TTC7B: variants seen among roughly 807,000 people sequenced by gnomAD.
TTC7B encodes tetratricopeptide repeat protein 7B.
Under a neutral mutation model 106.8 loss-of-function variants are expected in TTC7B, and 28 were observed. The ratio of observed to expected loss-of-function variants is 0.26; its 90% CI spans 0.19 to 0.36. The LOEUF is 0.36. Ranked by LOEUF, TTC7B falls within the 10% of genes least tolerant of loss-of-function variation. The pLI, the probability that TTC7B is intolerant of heterozygous loss-of-function variation, is 1.00. For synonymous variants in TTC7B, 405 were observed against 430.6 expected, an observed-to-expected ratio of 0.94 and a Z score of 0.74; for missense variants, 862 against 1,076.4, an observed-to-expected ratio of 0.80 and a Z score of 2.79.
chr14:90,659,624 C>T (rs892111252), intron 9 of TTC7B, among the ~76,000 whole-genome samples: 2 of 151,918 alleles, frequency 1.3e-5, no homozygotes, highest in African/African-American at 2.4e-5. Flanking sequence ...CGAGAAGGGG[C>T]CAATGGGGCC....
At position 90,695,403 on chromosome 14, in the gene TTC7B, C is replaced by T. The variant is rs1595291308; in HGVS notation, c.777+97G>A. ...ATATATTTATAACACATATATGTCA[C>T]ATATATTTATAATACATAAATGTAA... On this transcript the variant is annotated intron_variant, in intron 6 of 19. Coordinates refer to ENST00000328459, the MANE Select transcript of TTC7B (RefSeq NM_001010854.2). The T allele has an allele frequency of 2.2e-5, 11 of 505,666 alleles. No homozygotes were observed. In the East Asian group the frequency reaches 4.1e-4, roughly 19 times the overall value. The allele number at this position is 505,666 out of a possible 1,614,324, so 31.3% of individuals were successfully genotyped here.
intron 13 of TTC7B, 68 bp downstream of exon 13, chr14:90,652,771 CTT>C (rs1197660649): frequency 5.8e-6 from 9 of 1,540,936 alleles, no homozygotes; most frequent in East Asian, 2.2e-5. Context: ...ATAAATATCT[CTT>C]CTTTTTATAC....
chr14:90,803,739 G>T (rs2030418269), intron 1 of TTC7B, among the ~76,000 whole-genome samples: 1 of 152,096 alleles, frequency 6.6e-6, no homozygotes, highest in African/African-American at 2.4e-5. Context: ...AGAAGAACAG[G>T]ATGGGAGAGT....
intron 2 of TTC7B, among the ~76,000 whole-genome samples, chr14:90,783,161 C>T (rs1891275622): frequency 6.6e-6 from 1 of 152,226 alleles, no homozygotes; most frequent in Non-Finnish European, 1.5e-5. Context: ...GGCCACCTTG[C>T]TCACAATAAG....
rs1491399871 is a variant in TTC7B, at chr14:90,766,136, T to TTG, written c.445+14601_445+14602insCA. Among the ~76,000 whole-genome samples, 298 of 41,086 alleles carry TTG rather than the reference T, an allele frequency of 7.3e-3. 1 individual carries two copies. The highest frequency in any genetic ancestry group is 0.027 in the Middle Eastern group (2 of 74). The allele number at this position is 41,086 out of a possible 152,430, so 27.0% of individuals were successfully genotyped here. A position where few individuals can be genotyped will look rare whatever the true frequency, so the allele number is the denominator to read the frequency against. Reference sequence around the variant, plus strand: ...CTTGGCACAAAGACAGCCTACAACGTTTTTTTTTTTTTTTAATAAACAAAA... The same window carrying TTG: ...CTTGGCACAAAGACAGCCTACAACGTTGTTTTTTTTTTTTTTAATAAACAAAA... On this transcript the variant is annotated intron_variant, in intron 3 of 19. Coordinates refer to ENST00000328459, the MANE Select transcript of TTC7B (RefSeq NM_001010854.2).
intron 3 of TTC7B, among the ~76,000 whole-genome samples, chr14:90,762,951 T>C (rs949057165): frequency 6.6e-6 from 1 of 152,234 alleles, no homozygotes; most frequent in Non-Finnish European, 1.5e-5. Context: ...GATGGCTTCC[T>C]TGGTGAACTG....
At chr14:90,612,605 A>G (rs1656914621) in intron 16 of TTC7B, among the ~76,000 whole-genome samples, 1 of 152,086 alleles carries the variant, frequency 6.6e-6, no homozygotes, top group African/African-American at 2.4e-5. Context: ...TGCTGTCACT[A>G]ATGAGGAGGT....
At position 90,676,485 on chromosome 14, in the gene TTC7B, C is replaced by T. The variant is rs757622647; in HGVS notation, c.1152+38G>A. On this transcript the variant is annotated intron_variant, in intron 9 of 19. Coordinates refer to ENST00000328459, the MANE Select transcript of TTC7B (RefSeq NM_001010854.2). ...CCCTGGGGTCACCGTGCAACTGCCA[C>T]CCACCACCTGGATGTCAACCAGACT... 3 of 1,606,104 alleles carry T rather than the reference C, an allele frequency of 1.9e-6. No individual in the cohort carries two copies. The South Asian group carries it at 3.3e-5, about 18-fold the overall frequency.
rs8018412 is a variant in TTC7B, at chr14:90,544,357, G to C, written c.2311-2768C>G. 3.7e-3 allele frequency among the ~76,000 whole-genome samples: 564 copies of C among 152,338 alleles called. 3 individuals carry two copies. The highest frequency in any genetic ancestry group is 0.013 in the African/African-American group (539 of 41,578). ...TCCTTGGTGGCATCTGCCAGAGAAG[G>C]TTCCGGGGTGGCCAAACAGCCGAGG... On this transcript the variant is annotated intron_variant, in intron 19 of 19. Coordinates refer to ENST00000328459, the MANE Select transcript of TTC7B (RefSeq NM_001010854.2).
At chr14:90,699,339 G>A (rs1247206140) in intron 5 of TTC7B, 7 of 399,754 alleles carry the variant, frequency 1.8e-5, no homozygotes, top group South Asian at 3.7e-5. Context: ...AGCTTGTAAT[G>A]AGTGGCTACT....
In TTC7B at chr14:90,526,052, AAG is replaced by A. The variant is rs536279649; in HGVS notation, c.*15314_*15315del. On this transcript the variant is annotated 3_prime_UTR_variant, in exon 20 of 20. Transcript: ENST00000328459. The stretch of plus-strand genomic sequence containing the variant: ...TTTCCTTTTCTCTGGGGTACATACT[AAG>A]AGAGGAATTCCTGGATAATTCTATG... 1.6e-4 allele frequency: 25 copies of A among 152,286 alleles called. No individual in the cohort carries two copies. Among genetic ancestry groups the A allele is most frequent in the Non-Finnish European group, 3.4e-4 (23 of 68,018 alleles). The allele number at this position is 152,286 out of a possible 1,614,324, so 9.4% of individuals were successfully genotyped here. A position where few individuals can be genotyped will look rare whatever the true frequency, so the allele number is the denominator to read the frequency against.
At chr14:90,735,127 T>C (rs1889468719) in intron 4 of TTC7B, among the ~76,000 whole-genome samples, 1 of 152,148 alleles carries the variant, frequency 6.6e-6, no homozygotes. Context: ...TCAAACAGTA[T>C]CCAGAACATG....
In TTC7B at chr14:90,526,342, T is replaced by C. The variant is rs551277800; in HGVS notation, c.*15026A>G. 2 of 152,328 alleles carry C rather than the reference T, an allele frequency of 1.3e-5. No homozygotes were observed. The highest frequency in any genetic ancestry group is 4.1e-4 in the South Asian group (2 of 4,832). 9.4% of individuals were successfully genotyped at this position (152,328 alleles called of 1,614,324 possible). A position where few individuals can be genotyped will look rare whatever the true frequency, so the allele number is the denominator to read the frequency against. Reference sequence around the variant, plus strand: ...CCTTACTTTAAAAAAAAATAAACTATTAAGTTTGGGATAATTTTAGATTCA... The same window carrying C: ...CCTTACTTTAAAAAAAAATAAACTACTAAGTTTGGGATAATTTTAGATTCA... On this transcript the variant is annotated 3_prime_UTR_variant, in exon 20 of 20. Coordinates refer to ENST00000328459, the MANE Select transcript of TTC7B (RefSeq NM_001010854.2).
At chr14:90,739,526 A>C (rs1889675551) in intron 4 of TTC7B, among the ~76,000 whole-genome samples, 1 of 152,164 alleles carries the variant, frequency 6.6e-6, no homozygotes, top group South Asian at 2.1e-4. Context: ...GGGAGAACAT[A>C]ATCCACTCAA....
intron 5 of TTC7B, among the ~76,000 whole-genome samples, chr14:90,726,097 C>T (rs1889091495): frequency 6.6e-6 from 1 of 152,204 alleles, no homozygotes; most frequent in Non-Finnish European, 1.5e-5. Flanking sequence ...TAGAATAAGA[C>T]CTTGACTCTA....
intron 15 of TTC7B, among the ~76,000 whole-genome samples, chr14:90,620,768 T>C (rs150034500): frequency 3.9e-5 from 6 of 152,352 alleles, no homozygotes; most frequent in Admixed American, 3.9e-4. Flanking sequence ...CCAGAGTGCG[T>C]CTCTAAGCCT....
intron 3 of TTC7B, among the ~76,000 whole-genome samples, chr14:90,750,769 A>C (rs2140007267): frequency 6.6e-6 from 1 of 152,352 alleles, no homozygotes; most frequent in South Asian, 2.1e-4. Flanking sequence ...TCCCTCTCCC[A>C]CATGCTATGG....
chr14:90,811,952 G>A (rs1005410200), intron 1 of TTC7B, among the ~76,000 whole-genome samples: 1 of 152,188 alleles, frequency 6.6e-6, no homozygotes, highest in Non-Finnish European at 1.5e-5. Context: ...TCTTGACCGG[G>A]CACTAGCTCA....
At chr14:90,628,879 G>A (rs1884566958) in intron 15 of TTC7B, among the ~76,000 whole-genome samples, 1 of 152,270 alleles carries the variant, frequency 6.6e-6, no homozygotes, top group Non-Finnish European at 1.5e-5. Context: ...ACTGAAGGCA[G>A]CACTTTTGTC....
Sources: allele counts gnomAD v4.1 joint callset (sites outside exome capture counted in the v4.1 genomes callset), GRCh38; gene constraint gnomAD v4.1.1; transcripts MANE v1.5; gene names NCBI Gene and HGNC (gene_info 2026-07-23, HGNC 2026-07-21).